Variants in DNAH9 observed in about 807,000 individuals in gnomAD.
DNAH9 encodes dynein axonemal heavy chain 9, also known as DNAH9 variant protein.
DNAH9 carries 345 observed loss-of-function variants against 471.6 expected under a neutral mutation model. The observed-to-expected ratio is 0.73, with a 90% confidence interval of 0.67 to 0.80. DNAH9 has a LOEUF of 0.80. Ranked by LOEUF, DNAH9 falls within the 30% of genes least tolerant of loss-of-function variation. The pLI, the probability that DNAH9 is intolerant of heterozygous loss-of-function variation, is 0.00. For synonymous variants in DNAH9, 2,093 were observed against 2,123.6 expected, an observed-to-expected ratio of 0.99 and a Z score of 0.40; for missense variants, 5,407 against 5,609.2, an observed-to-expected ratio of 0.96 and a Z score of 1.15.
At position 11,946,747 on chromosome 17, in the gene DNAH9, GA is replaced by G. The variant is rs373278555; in HGVS notation, c.12843+4271del. On this transcript the variant is annotated intron_variant, in intron 67 of 68. Coordinates refer to ENST00000262442, the MANE Select transcript of DNAH9 (RefSeq NM_001372.4). Reference sequence around the variant, plus strand: ...ATAACGGTATTTTAAAATTGAAAAAGAAAAAAAAATGCTTGCAAGCCGAAAA... The same window carrying G: ...ATAACGGTATTTTAAAATTGAAAAAGAAAAAAAATGCTTGCAAGCCGAAAA... 9.0e-3 allele frequency among the ~76,000 whole-genome samples: 1,302 copies of G among 145,138 alleles called. 24 individuals are homozygous for G. Among genetic ancestry groups the G allele is most frequent in the African/African-American group, 0.031 (1,228 of 39,550 alleles).
At chr17:11,833,435 A>G (rs1295707757) in intron 48 of DNAH9, among the ~76,000 whole-genome samples, 2 of 152,226 alleles carry the variant, frequency 1.3e-5, no homozygotes, top group Non-Finnish European at 2.9e-5. Flanking sequence ...CAGGCAGAAA[A>G]GTGAAAAAAC....
chr17:11,683,921 C>A (rs565648441), intron 19 of DNAH9, among the ~76,000 whole-genome samples: 2 of 152,178 alleles, frequency 1.3e-5, no homozygotes, highest in Non-Finnish European at 2.9e-5. Context: ...TAAAGCGAAT[C>A]TTAGTGGATG....
At chr17:11,640,491 TCTTC>T in intron 10 of DNAH9, 107 bp downstream of exon 10, 1 of 796,878 alleles carries the variant, frequency 1.3e-6, no homozygotes, top group East Asian at 2.5e-5. Flanking sequence ...CAGAAAATCA[TCTTC>T]CTTTCTTTCC....
chr17:11,742,485 A>C (rs1419625339), intron 30 of DNAH9, among the ~76,000 whole-genome samples, 172 bp downstream of exon 30: 1 of 152,212 alleles, frequency 6.6e-6, no homozygotes, highest in Non-Finnish European at 1.5e-5. Flanking sequence ...ATTTATGTTC[A>C]CTTTTTTAGC....
chr17:11,868,528 C>G (rs886463420), intron 50 of DNAH9, among the ~76,000 whole-genome samples: 13 of 151,894 alleles, frequency 8.6e-5, no homozygotes, highest in Non-Finnish European at 1.6e-4. Context: ...ATGGGAGAGA[C>G]TAGATGAGGT....
Position 11,932,289 on chromosome 17 carries a change from T to G in DNAH9, c.12297+84T>G, listed in dbSNP as rs1246464975. Reference sequence around the variant, plus strand: ...TTTTGAGGGGTGAATCAGAGGGGTCTAGGATGGGGCCTGAGAATGTGCATT... The same window carrying G: ...TTTTGAGGGGTGAATCAGAGGGGTCGAGGATGGGGCCTGAGAATGTGCATT... On this transcript the variant is annotated intron_variant, in intron 64 of 68. Transcript: ENST00000262442. This position sits in a 1 kb window ranked among gnomAD's most constrained non-coding sequence, Gnocchi z 4.3. The G allele has an allele frequency of 2.8e-5, 39 of 1,377,130 alleles. No homozygotes were observed. The highest frequency in any genetic ancestry group is 2.3e-5 in the Admixed American group (1 of 43,112). The allele number at this position is 1,377,130 out of a possible 1,614,324, so 85.3% of individuals were successfully genotyped here.
chr17:11,686,513 T>G (rs1296337165), intron 19 of DNAH9, among the ~76,000 whole-genome samples: 1 of 152,188 alleles, frequency 6.6e-6, no homozygotes, highest in African/African-American at 2.4e-5. Context: ...TCTATGAATA[T>G]CCTGACAATT....
chr17:11,932,294 T>A lies in DNAH9; in HGVS notation c.12297+89T>A. 7.4e-7 allele frequency: 1 copy of A among 1,345,454 alleles called. No individual in the cohort carries two copies. The highest frequency in any genetic ancestry group is 1.0e-6 in the Non-Finnish European group (1 of 987,532). 83.3% of individuals were successfully genotyped at this position (1,345,454 alleles called of 1,614,324 possible). On this transcript the variant is annotated intron_variant, in intron 64 of 68. Transcript: ENST00000262442. The surrounding 1 kb of genome is among the most constrained non-coding windows in gnomAD (Gnocchi z 4.3). ...AGGGGTGAATCAGAGGGGTCTAGGATGGGGCCTGAGAATGTGCATTTCTAA... is the reference window on the plus strand; with the variant it reads ...AGGGGTGAATCAGAGGGGTCTAGGAAGGGGCCTGAGAATGTGCATTTCTAA...
In DNAH9 at chr17:11,822,585, A is replaced by C; in HGVS notation, c.8998A>C (p.Thr3000Pro). 1 of 1,614,158 alleles carries C rather than the reference A, an allele frequency of 6.2e-7. No homozygotes were observed. Among genetic ancestry groups the C allele is most frequent in the Non-Finnish European group, 8.5e-7 (1 of 1,180,026 alleles). ...TGTCAGCCTCCGCTTCTTGCAGAAC[A>C]CAGAGGGCATTGAGGTGAGAGAGAA... ...ESVSLRFLQN[T>P]EGIEPTVKQS... The change falls in exon 47 of 69, where the codon ACA (threonine) becomes CCA (proline). Residue 3000 changes from threonine (T) to proline (P), a missense_variant. Thr to Pro is a conservative substitution (Grantham distance 38). This residue lies in a region of DNAH9 where 4,636 missense variants were observed against 4,900.3 expected (regional missense o/e 0.95). Coordinates refer to ENST00000262442, the MANE Select transcript of DNAH9 (RefSeq NM_001372.4).
chr17:11,797,201 T>G (rs1265587435), intron 42 of DNAH9, among the ~76,000 whole-genome samples: 1 of 152,062 alleles, frequency 6.6e-6, no homozygotes, highest in Non-Finnish European at 1.5e-5. Flanking sequence ...CCTAGATCTG[T>G]TGGAATGTAC....
At chr17:11,813,791 A>T (rs1970002511) in intron 45 of DNAH9, among the ~76,000 whole-genome samples, 1 of 152,196 alleles carries the variant, frequency 6.6e-6, no homozygotes, top group Non-Finnish European at 1.5e-5. Flanking sequence ...TCTGACACGA[A>T]CTACAGCATT....
intron 60 of DNAH9, 103 bp from the exon 61 acceptor site, chr17:11,905,558 C>A: frequency 1.6e-6 from 2 of 1,279,476 alleles, no homozygotes; most frequent in Non-Finnish European, 2.2e-6. Flanking sequence ...TAGCCCATGA[C>A]CTTGAGCATG....
intron 35 of DNAH9, among the ~76,000 whole-genome samples, chr17:11,761,156 T>C (rs973514096): frequency 2.0e-5 from 3 of 152,258 alleles, no homozygotes; most frequent in African/African-American, 7.2e-5. Flanking sequence ...GACTTTTCTG[T>C]AATAAAAAGG....
intron 48 of DNAH9, among the ~76,000 whole-genome samples, chr17:11,830,395 C>T (rs1242599909): frequency 6.6e-6 from 1 of 152,196 alleles, no homozygotes; most frequent in East Asian, 1.9e-4. Flanking sequence ...GCATATAGGA[C>T]TCAATCCACA....
intron 49 of DNAH9, among the ~76,000 whole-genome samples, chr17:11,852,264 G>A (rs1337554744): frequency 2.0e-5 from 3 of 152,180 alleles, no homozygotes; most frequent in African/African-American, 7.2e-5. Flanking sequence ...AGCGCCATAA[G>A]CAAATGGTTT....
intron 8 of DNAH9, among the ~76,000 whole-genome samples, chr17:11,634,119 A>G (rs2073117405): frequency 6.6e-6 from 1 of 152,108 alleles, no homozygotes; most frequent in Non-Finnish European, 1.5e-5. Flanking sequence ...AGAGTTTCAG[A>G]GGGCTCATAA....
Position 11,598,494 on chromosome 17 carries a change from G to A in DNAH9, c.-5G>A. On this transcript the variant is annotated 5_prime_UTR_variant, in exon 1 of 69. Transcript: ENST00000262442. ...GGAAACCGATGCAGCTGGAGGCCGC[G>A]CGCGATGCGGCTCGCGGAGGAGCGG... 6 of 1,367,166 alleles carry A rather than the reference G, an allele frequency of 4.4e-6. No homozygotes were observed. Among genetic ancestry groups the A allele is most frequent in the Non-Finnish European group, 5.6e-6 (6 of 1,069,296 alleles). 84.7% of individuals were successfully genotyped at this position (1,367,166 alleles called of 1,614,324 possible). A position where few individuals can be genotyped will look rare whatever the true frequency, so the allele number is the denominator to read the frequency against.
rs1555584694 is a variant in DNAH9, at chr17:11,762,778, T to TTG, written c.6996-661_6996-660insGT. ...GGTGCGTTTTTTTTTTTGTTTTTTTTTTTTTTTTTTTTTTTTTTTGAGATG... is the reference window on the plus strand; with the variant it reads ...GGTGCGTTTTTTTTTTTGTTTTTTTTTGTTTTTTTTTTTTTTTTTTTGAGATG... On this transcript the variant is annotated intron_variant, in intron 35 of 68. Transcript: ENST00000262442. Among the ~76,000 whole-genome samples the TTG allele has an allele frequency of 3.1e-5, 3 of 98,046 alleles. 1 individual carries two copies. Among genetic ancestry groups the TTG allele is most frequent in the Admixed American group, 2.2e-4 (2 of 9,238 alleles). 64.3% of individuals were successfully genotyped at this position (98,046 alleles called of 152,430 possible).
At chr17:11,718,299 C>T (rs561523499) in intron 26 of DNAH9, among the ~76,000 whole-genome samples, 5 of 152,322 alleles carry the variant, frequency 3.3e-5, no homozygotes, top group East Asian at 3.9e-4. Flanking sequence ...TTACACTCTA[C>T]GAATTACCAC....
Sources: allele counts gnomAD v4.1 joint callset (sites outside exome capture counted in the v4.1 genomes callset), GRCh38; gene constraint gnomAD v4.1.1; regional missense constraint gnomAD v4.1.1; non-coding constraint Gnocchi (gnomAD v3.1); transcripts MANE v1.5; gene names NCBI Gene and HGNC (gene_info 2026-07-23, HGNC 2026-07-21).